Variants in TAFA5 observed in about 807,000 individuals in gnomAD.
TAFA5 encodes the protein chemokine-like protein TAFA-5.
TAFA5 carries 6 observed loss-of-function variants against 15.3 expected under a neutral mutation model. That is an observed-to-expected ratio of 0.39 (90% CI 0.21 to 0.77). The LOEUF is 0.77. Ranked by LOEUF, TAFA5 falls within the 30% of genes least tolerant of loss-of-function variation. The probability of loss-of-function intolerance (pLI) is 0.41; values close to 1 mark genes in which losing one functional copy is unlikely to be tolerated. For synonymous variants in TAFA5, 103 were observed against 80.7 expected, an observed-to-expected ratio of 1.28 and a Z score of -1.48; for missense variants, 161 against 193.1, an observed-to-expected ratio of 0.83 and a Z score of 0.98.
intron 1 of TAFA5, among the ~76,000 whole-genome samples, chr22:48,569,954 G>T (rs2147137635): frequency 6.6e-6 from 1 of 152,362 alleles, no homozygotes; most frequent in Non-Finnish European, 1.5e-5. Flanking sequence ...GGCCGCCAGT[G>T]CCCCCGCACA....
At chr22:48,701,236 C>T (rs1928896527) in intron 2 of TAFA5, among the ~76,000 whole-genome samples, 1 of 152,076 alleles carries the variant, frequency 6.6e-6, no homozygotes, top group Admixed American at 6.5e-5. Flanking sequence ...GCAGCCGGAC[C>T]TAGAGGTGGC....
intron 1 of TAFA5, among the ~76,000 whole-genome samples, chr22:48,535,459 G>A (rs1169299474): frequency 2.0e-5 from 3 of 152,274 alleles, no homozygotes; most frequent in Non-Finnish European, 4.4e-5. Context: ...CACAGTCTGT[G>A]TTGCTATACG....
At chr22:48,730,425 G>A (rs1432884433) in intron 3 of TAFA5, among the ~76,000 whole-genome samples, 1 of 152,134 alleles carries the variant, frequency 6.6e-6, no homozygotes, top group Admixed American at 6.6e-5. Flanking sequence ...ATGCAGTGCG[G>A]TGGAGCCAAC....
chr22:48,705,207 C>T (rs1294226388), intron 2 of TAFA5, among the ~76,000 whole-genome samples: 5 of 152,072 alleles, frequency 3.3e-5, no homozygotes, highest in South Asian at 2.1e-4. Context: ...GGCTGGTGGA[C>T]GCCTGCCTCC....
intron 2 of TAFA5, among the ~76,000 whole-genome samples, chr22:48,688,887 G>C (rs1928447420): frequency 6.6e-6 from 1 of 151,788 alleles, no homozygotes; most frequent in Non-Finnish European, 1.5e-5. Context: ...AGCTACTTGG[G>C]AGCCTGAGGC....
At chr22:48,709,380 G>T (rs1432019352) in intron 3 of TAFA5, among the ~76,000 whole-genome samples, 1 of 146,750 alleles carries the variant, frequency 6.8e-6, no homozygotes, top group East Asian at 2.0e-4. Context: ...CTGCAGAGGG[G>T]GTCTAGGCTC....
intron 2 of TAFA5, among the ~76,000 whole-genome samples, chr22:48,683,712 C>T (rs73889584): frequency 7.9e-5 from 12 of 152,240 alleles, no homozygotes; most frequent in Non-Finnish European, 1.5e-4. Flanking sequence ...ATTGGCAATA[C>T]GGTTTGGCTC....
At chr22:48,637,060 G>A (rs1926476600) in intron 1 of TAFA5, among the ~76,000 whole-genome samples, 1 of 152,194 alleles carries the variant, frequency 6.6e-6, no homozygotes, top group Admixed American at 6.5e-5. Context: ...GGGGCTTCTG[G>A]GAGAGTGGAA....
chr22:48,614,907 C>G (rs767951224), intron 1 of TAFA5, among the ~76,000 whole-genome samples: 1 of 152,132 alleles, frequency 6.6e-6, no homozygotes, highest in Non-Finnish European at 1.5e-5. Context: ...ATGGGGTCAG[C>G]AGAGCGGGCC....
At position 48,560,657 on chromosome 22, in the gene TAFA5, G is replaced by A. The variant is rs192840750; in HGVS notation, c.112+70953G>A. 2.6e-3 allele frequency among the ~76,000 whole-genome samples: 401 copies of A among 151,526 alleles called. 3 individuals are homozygous for A. The highest frequency in any genetic ancestry group is 8.6e-3 in the African/African-American group (357 of 41,276). Reference sequence around the variant, plus strand: ...GGAGTTTCGCTCTTGTTGCCCAGGCGGGAGTGCAGTGGTGCTATTCGGCTC... The same window carrying A: ...GGAGTTTCGCTCTTGTTGCCCAGGCAGGAGTGCAGTGGTGCTATTCGGCTC... On this transcript the variant is annotated intron_variant, in intron 1 of 3. Coordinates refer to ENST00000402357, the MANE Select transcript of TAFA5 (RefSeq NM_001082967.3). This position sits in a 1 kb window ranked among gnomAD's most constrained non-coding sequence, Gnocchi z 4.2.
In TAFA5 at chr22:48,751,599, T is replaced by G. The variant is rs1930498757; in HGVS notation, c.*1752T>G. 1 of 152,386 alleles carries G rather than the reference T, an allele frequency of 6.6e-6. No individual in the cohort carries two copies. The highest frequency in any genetic ancestry group is 2.1e-4 in the South Asian group (1 of 4,836). The allele number at this position is 152,386 out of a possible 1,614,324, so 9.4% of individuals were successfully genotyped here. ...TGTTCCGGTATCCATGAGGACATAATTTACCTTTCAGTCACCACAAATTTA... is the reference window on the plus strand; with the variant it reads ...TGTTCCGGTATCCATGAGGACATAAGTTACCTTTCAGTCACCACAAATTTA... On this transcript the variant is annotated 3_prime_UTR_variant, in exon 4 of 4. Coordinates refer to ENST00000402357, the MANE Select transcript of TAFA5 (RefSeq NM_001082967.3).
rs368253629 is a variant in TAFA5 at position 48,621,638 on chromosome 22, G to A, written c.113-24959G>A. Among the ~76,000 whole-genome samples the A allele has an allele frequency of 4.1e-4, 63 of 152,342 alleles. No individual in the cohort carries two copies. The Middle Eastern group carries it at 0.01, about 25-fold the overall frequency. On this transcript the variant is annotated intron_variant, in intron 1 of 3. Coordinates refer to ENST00000402357, the MANE Select transcript of TAFA5 (RefSeq NM_001082967.3). ...AGCTCCACTGAGTCCGGCTGTGGCC[G>A]CAGAGTGGCCCAGCCTGCGGCATCA...
rs903264513 is a variant in TAFA5 at position 48,501,749 on chromosome 22, G to A, written c.112+12045G>A. Among the ~76,000 whole-genome samples, 8 of 152,178 alleles carry A rather than the reference G, an allele frequency of 5.3e-5. No individual in the cohort carries two copies. The South Asian group carries it at 1.7e-3, about 32-fold the overall frequency. On this transcript the variant is annotated intron_variant, in intron 1 of 3. Coordinates refer to ENST00000402357, the MANE Select transcript of TAFA5 (RefSeq NM_001082967.3). ...CCCCTGGAGGCCCCAGGGGTGTGGC[G>A]GAGTGAGGGCTGAGCCAGGCCGCTG...
chr22:48,646,811 C>T, intron 2 of TAFA5, 65 bp downstream of exon 2: 1 of 1,503,222 alleles, frequency 6.7e-7, no homozygotes, highest in Non-Finnish European at 8.9e-7. Context: ...GGTGCCTCTT[C>T]CCTGACGCGG....
chr22:48,563,776 G>T (rs962282266), intron 1 of TAFA5, among the ~76,000 whole-genome samples: 1 of 152,184 alleles, frequency 6.6e-6, no homozygotes, highest in African/African-American at 2.4e-5. Context: ...CCTGACAAAG[G>T]TCAAGACCCC....
At chr22:48,709,433 G>T (rs140290426) in intron 3 of TAFA5, among the ~76,000 whole-genome samples, 2 of 152,134 alleles carry the variant, frequency 1.3e-5, no homozygotes, top group African/African-American at 2.4e-5. Context: ...CTGCGTTACC[G>T]CCCTGAGTCT....
intron 2 of TAFA5, among the ~76,000 whole-genome samples, chr22:48,699,255 A>T (rs1411535910): frequency 6.6e-6 from 1 of 151,944 alleles, no homozygotes; most frequent in African/African-American, 2.4e-5. Flanking sequence ...TAAGGGAAAG[A>T]CCCACCCTAC....
At chr22:48,734,960 G>T (rs1929967158) in intron 3 of TAFA5, among the ~76,000 whole-genome samples, 1 of 152,204 alleles carries the variant, frequency 6.6e-6, no homozygotes, top group Admixed American at 6.5e-5. Context: ...GAAGTGGAGG[G>T]GAATATTGAT....
chr22:48,555,828 G>T lies in TAFA5; in HGVS notation c.112+66124G>T, dbSNP rs546458602. On this transcript the variant is annotated intron_variant, in intron 1 of 3. Coordinates refer to ENST00000402357, the MANE Select transcript of TAFA5 (RefSeq NM_001082967.3). ...GGGGGCGCTGTGGCCGCTGGCTGGA[G>T]GCTGCCAAGCCATCTCTCAAGGAAC... 1.0e-3 allele frequency among the ~76,000 whole-genome samples: 155 copies of T among 152,312 alleles called. 1 individual carries two copies. Among genetic ancestry groups the T allele is most frequent in the African/African-American group, 3.7e-3 (153 of 41,576 alleles).
Sources: gnomAD v4.1 joint callset for allele counts (sites outside exome capture counted in the v4.1 genomes callset) on GRCh38, gnomAD v4.1.1 for gene constraint, Gnocchi (gnomAD v3.1) non-coding constraint, MANE v1.5 for transcripts, NCBI Gene and HGNC (gene_info 2026-07-23, HGNC 2026-07-21) for gene names.